Variants in MRPS23 observed in about 807,000 individuals in gnomAD.
MRPS23 encodes small ribosomal subunit protein mS23.
In MRPS23, 14 loss-of-function variants were observed where a neutral mutation model predicts 19.8. The ratio of observed to expected loss-of-function variants is 0.71; its 90% CI spans 0.47 to 1.11. MRPS23 has a LOEUF of 1.11. MRPS23 is among the 50% of genes least tolerant of loss of function. The pLI is 0.00. For missense variants in MRPS23, 242 were observed against 236.7 expected, an observed-to-expected ratio of 1.02 and a Z score of -0.15; for synonymous variants, 113 against 89.7, an observed-to-expected ratio of 1.26 and a Z score of -1.47.
chr17:57,845,001 G>A (rs561985878), intron 2 of MRPS23, among the ~76,000 whole-genome samples: 9 of 152,058 alleles, frequency 5.9e-5, no homozygotes, highest in African/African-American at 2.2e-4. Flanking sequence ...GGGTTAAAGC[G>A]ATCCTCCCAC....
At chr17:57,841,641 C>A (rs534796130) in intron 2 of MRPS23, among the ~76,000 whole-genome samples, 2 of 152,316 alleles carry the variant, frequency 1.3e-5, no homozygotes, top group Admixed American at 1.3e-4. Flanking sequence ...GAATAGTAAA[C>A]CTTGCTCTAC....
chr17:57,846,283 G>T (rs971973988), intron 2 of MRPS23, among the ~76,000 whole-genome samples: 1 of 54,842 alleles, frequency 1.8e-5, no homozygotes, highest in Non-Finnish European at 3.6e-5. Flanking sequence ...CAGCCGCCCC[G>T]TCCGGGAGGG....
At chr17:57,847,116 G>A (rs1038713446) in intron 2 of MRPS23, among the ~76,000 whole-genome samples, 2 of 151,246 alleles carry the variant, frequency 1.3e-5, no homozygotes, top group African/African-American at 4.9e-5. Context: ...CCAACATGGT[G>A]AAACCCCATC....
chr17:57,841,443 T>C (rs1031817831), intron 2 of MRPS23, among the ~76,000 whole-genome samples, 183 bp from the exon 3 acceptor site: 3 of 152,176 alleles, frequency 2.0e-5, no homozygotes, highest in Non-Finnish European at 2.9e-5. Flanking sequence ...GGTAAATACA[T>C]CAAATAGCAC....
chr17:57,850,005 T>C lies in MRPS23; in HGVS notation c.6A>G (p.Ala2=), dbSNP rs775066859. The change falls in exon 1 of 5, where the codon GCA becomes GCG. Residue 2 remains alanine (A), a synonymous_variant. Coordinates refer to ENST00000313608, the MANE Select transcript of MRPS23 (RefSeq NM_016070.4). The part of the protein sequence containing the change: M[A]GSRLETVGSI... ...TCCCTACGGTTTCCAGCCGGCTGCC[T>C]GCCATGATCTGCGCCTGGTACCGAG... is the stretch of plus-strand genomic sequence containing the variant. 5.0e-6 allele frequency: 8 copies of C among 1,592,456 alleles called. No homozygotes were observed. The highest frequency in any genetic ancestry group is 1.7e-4 in the Middle Eastern group (1 of 6,046).
intron 2 of MRPS23, among the ~76,000 whole-genome samples, chr17:57,842,915 C>T (rs1373943758): frequency 4.7e-5 from 7 of 148,126 alleles, no homozygotes; most frequent in African/African-American, 1.7e-4. Context: ...CACACACACA[C>T]ACACACACAC....
In MRPS23 at chr17:57,841,007, A is replaced by T. The variant is rs775210774; in HGVS notation, c.339T>A (p.Asp113Glu). 10 of 1,614,048 alleles carry T rather than the reference A, an allele frequency of 6.2e-6. No homozygotes were observed. Among genetic ancestry groups the T allele is most frequent in the Admixed American group, 1.7e-5 (1 of 60,002 alleles). ...CTGTTTCCACAAATAACTTCTCTTC[A>T]TCTGTTTCTCCAAGTTTCTGTAGCT... Reference protein sequence around the residue: ...YTELQKLGETDEEKLFVETGK... With the variant: ...YTELQKLGETEEEKLFVETGK... Residue 113 changes from aspartate to glutamate, a missense_variant, in exon 4 of 5, where the codon GAT becomes GAA. Coordinates refer to ENST00000313608, the MANE Select transcript of MRPS23 (RefSeq NM_016070.4).
Position 57,850,004 on chromosome 17 carries a change from C to CTGCCA in MRPS23, c.2_6dup (p.Gly3TrpfsTer9), listed in dbSNP as rs1418198919. 1 of 1,592,714 alleles carries CTGCCA rather than the reference C, an allele frequency of 6.3e-7. No homozygotes were observed. Among genetic ancestry groups the CTGCCA allele is most frequent in the Non-Finnish European group, 8.5e-7 (1 of 1,174,450 alleles). ...CTCCCTACGGTTTCCAGCCGGCTGC[C>CTGCCA]TGCCATGATCTGCGCCTGGTACCGA... On this transcript the variant is annotated frameshift_variant, in exon 1 of 5. Coordinates refer to ENST00000313608, the MANE Select transcript of MRPS23 (RefSeq NM_016070.4). LOFTEE classifies it high-confidence loss of function.
rs1330912196 is a variant in MRPS23, at chr17:57,840,978, T to C, written c.368A>G (p.Lys123Arg). 2.0e-5 allele frequency: 33 copies of C among 1,614,218 alleles called. No homozygotes were observed. Among genetic ancestry groups the C allele is most frequent in the Non-Finnish European group, 2.5e-5 (29 of 1,180,040 alleles). Residue 123 changes from lysine to arginine, a missense_variant, in exon 4 of 5, where the codon AAG (lysine) becomes AGG (arginine). Lys to Arg is a conservative substitution (Grantham distance 26). Coordinates refer to ENST00000313608, the MANE Select transcript of MRPS23 (RefSeq NM_016070.4). ...DEEKLFVETG[K>R]ALLAEGVILR... The stretch of plus-strand genomic sequence containing the variant: ...AATGACACCTTCTGCCAATAAAGCC[T>C]TCCCTGTTTCCACAAATAACTTCTC...
At chr17:57,842,785 A>G (rs1438606366) in intron 2 of MRPS23, among the ~76,000 whole-genome samples, 5 of 151,534 alleles carry the variant, frequency 3.3e-5, no homozygotes, top group African/African-American at 1.2e-4. Context: ...CTGCTTGGGA[A>G]GCTGAGGCAT....
At chr17:57,847,303 A>T (rs1307518405) in intron 2 of MRPS23, among the ~76,000 whole-genome samples, 2 of 151,002 alleles carry the variant, frequency 1.3e-5, no homozygotes, top group Non-Finnish European at 3.0e-5. Flanking sequence ...AAAAAAAAAA[A>T]AAAAGAATGT....
chr17:57,841,984 T>C (rs541671866), intron 2 of MRPS23, among the ~76,000 whole-genome samples: 36 of 151,740 alleles, frequency 2.4e-4, no homozygotes, highest in African/African-American at 8.5e-4. Flanking sequence ...TAATAAAAAC[T>C]GAGGTAAAAG....
At position 57,839,041 on chromosome 17, in the gene MRPS23, A is replaced by T. The variant is rs1172621926; in HGVS notation, c.*742T>A. The T allele has an allele frequency of 6.6e-6, 1 of 152,224 alleles. No homozygotes were observed. The highest frequency in any genetic ancestry group is 1.5e-5 in the Non-Finnish European group (1 of 68,052). The allele number at this position is 152,224 out of a possible 1,614,324, so 9.4% of individuals were successfully genotyped here. On this transcript the variant is annotated 3_prime_UTR_variant, in exon 5 of 5. Coordinates refer to ENST00000313608, the MANE Select transcript of MRPS23 (RefSeq NM_016070.4). ...GGGAGGCAGGTGGATGCTGGTGGAG[A>T]GCATCACCTAAATTAGCTGCCTCCT...
intron 1 of MRPS23, 74 bp from the exon 2 acceptor site, chr17:57,849,484 T>C (rs2073798307): frequency 2.6e-6 from 4 of 1,543,122 alleles, no homozygotes; most frequent in African/African-American, 1.4e-5. Flanking sequence ...TCTAGCACAG[T>C]TTGGGACATT....
intron 2 of MRPS23, among the ~76,000 whole-genome samples, chr17:57,847,162 G>A (rs1171746551): frequency 2.6e-5 from 4 of 151,456 alleles, no homozygotes; most frequent in South Asian, 2.1e-4. Flanking sequence ...GCATGGTGGC[G>A]TGAGCCTGTA....
chr17:57,841,138 CT>C, intron 3 of MRPS23, 44 bp downstream of exon 3: 1 of 1,608,924 alleles, frequency 6.2e-7, no homozygotes, highest in Non-Finnish European at 8.5e-7. Context: ...TAACAAAATC[CT>C]TAAAAAATAA....
rs544766320 is a variant in MRPS23 at position 57,849,825 on chromosome 17, T to A, written c.44+142A>T. ...AACTATTCGGAGCCAGGAGAAAACA[T>A]GAGAGGGCCTCACCCAGCTCAGCCC... is the stretch of plus-strand genomic sequence containing the variant. On this transcript the variant is annotated intron_variant, in intron 1 of 4. Transcript: ENST00000313608. The A allele has an allele frequency of 2.0e-3, 1,935 of 965,878 alleles. 5 individuals are homozygous for A. The highest frequency in any genetic ancestry group is 2.6e-3 in the Non-Finnish European group (1,749 of 667,852). The allele number at this position is 965,878 out of a possible 1,614,324, so 59.8% of individuals were successfully genotyped here.
Position 57,835,830 on chromosome 17 carries a change from T to C in MRPS23, c.*3953A>G, listed in dbSNP as rs1299773364. The C allele has an allele frequency of 6.6e-6, 1 of 152,180 alleles. No individual in the cohort carries two copies. The highest frequency in any genetic ancestry group is 1.5e-5 in the Non-Finnish European group (1 of 68,046). The allele number at this position is 152,180 out of a possible 1,614,324, so 9.4% of individuals were successfully genotyped here. Reference sequence around the variant, plus strand: ...ATTACTTGTCTGGGGCAAACTTCACTGTAACCTGGATATATGCCTTCCTCG... The same window carrying C: ...ATTACTTGTCTGGGGCAAACTTCACCGTAACCTGGATATATGCCTTCCTCG... On this transcript the variant is annotated 3_prime_UTR_variant, in exon 5 of 5. Transcript: ENST00000313608.
intron 2 of MRPS23, among the ~76,000 whole-genome samples, chr17:57,843,964 GCTT>G (rs1203327027): frequency 6.6e-6 from 1 of 151,716 alleles, no homozygotes; most frequent in East Asian, 1.9e-4. Context: ...TCTTTTTATG[GCTT>G]CTGAGTTTTA....
Sources: allele counts gnomAD v4.1 joint callset (sites outside exome capture counted in the v4.1 genomes callset), GRCh38; gene constraint gnomAD v4.1.1; transcripts MANE v1.5; gene names NCBI Gene and HGNC (gene_info 2026-07-23, HGNC 2026-07-21).